Variants in WDR17 observed in about 807,000 individuals in gnomAD.
WDR17 encodes the protein WD repeat-containing protein 17.
A neutral mutation model predicts 161.7 loss-of-function variants in WDR17; 143 were observed. That is an observed-to-expected ratio of 0.88 (90% CI 0.77 to 1.02). The LOEUF is 1.02. Ranked by LOEUF, WDR17 falls within the 50% of genes least tolerant of loss-of-function variation. The pLI is 0.00. For synonymous variants in WDR17, 517 were observed against 515.6 expected, an observed-to-expected ratio of 1.00 and a Z score of -0.04; for missense variants, 1,469 against 1,520.9, an observed-to-expected ratio of 0.97 and a Z score of 0.57.
At chr4:176,090,021 T>C (rs1735915458) in intron 1 of WDR17, among the ~76,000 whole-genome samples, 1 of 152,156 alleles carries the variant, frequency 6.6e-6, no homozygotes, top group African/African-American at 2.4e-5. Context: ...TTTAATGTTA[T>C]CTTCCTCCAG....
intron 1 of WDR17, among the ~76,000 whole-genome samples, chr4:176,083,935 G>A (rs1188500763): frequency 6.6e-6 from 1 of 152,030 alleles, no homozygotes; most frequent in African/African-American, 2.4e-5. Context: ...TTGAGCAACT[G>A]TTCATATGCT....
intron 1 of WDR17, among the ~76,000 whole-genome samples, chr4:176,090,270 A>G (rs377261958): frequency 6.6e-6 from 1 of 151,494 alleles, no homozygotes; most frequent in African/African-American, 2.4e-5. Context: ...AAAAAAAAAA[A>G]AAAGCCTGGC....
At position 176,177,405 on chromosome 4, in the gene WDR17, C is replaced by G. The variant is rs148013083; in HGVS notation, c.3549-66C>G. 8.9e-4 allele frequency: 1,226 copies of G among 1,379,688 alleles called. 13 individuals carry two copies. In the Middle Eastern group the frequency reaches 0.019, roughly 22 times the overall value. The allele number at this position is 1,379,688 out of a possible 1,614,324, so 85.5% of individuals were successfully genotyped here. On this transcript the variant is annotated intron_variant, in intron 27 of 28. Coordinates refer to ENST00000508596, the MANE Select transcript of WDR17 (RefSeq NM_181265.4). ...ACTAAATAATCATCAGGGATAATTT[C>G]TAATCTAAACATCAAAAATTCTGTG...
rs539409797 is a variant in WDR17 at position 176,069,381 on chromosome 4, TAGAC to T, written c.-7+3305_-7+3308del. ...TAATTTAAAAAATGTACTGTAGAAATAGACAGTAATATAAATCTATAATTAAGAT... is the reference window on the plus strand; with the variant it reads ...TAATTTAAAAAATGTACTGTAGAAATAGTAATATAAATCTATAATTAAGAT... On this transcript the variant is annotated intron_variant, in intron 1 of 28. Transcript: ENST00000508596. Among the ~76,000 whole-genome samples the T allele has an allele frequency of 2.1e-3, 313 of 152,192 alleles. 2 individuals are homozygous for T. Among genetic ancestry groups the T allele is most frequent in the Middle Eastern group, 3.4e-3 (1 of 292 alleles).
In WDR17 at chr4:176,160,912, C is replaced by T; in HGVS notation, c.2660C>T (p.Ala887Val). ...ATTCAACATTTAATTAAATTCTAGG[C>T]TGCTTGTGAAGGAAATATGCAGCCC... Reference protein sequence around the residue: ...QLKEALLVAQAACEGNMQPLH... With the variant: ...QLKEALLVAQVACEGNMQPLH... Residue 887 changes from alanine (A) to valine (V), a missense_variant and splice_region_variant, in exon 20 of 29, where the codon GCT becomes GTT. Ala to Val is a moderately conservative substitution (Grantham distance 64, BLOSUM62 0). Coordinates refer to ENST00000508596, the MANE Select transcript of WDR17 (RefSeq NM_181265.4). 6.3e-7 allele frequency: 1 copy of T among 1,588,132 alleles called. No individual in the cohort carries two copies. Among genetic ancestry groups the T allele is most frequent in the Non-Finnish European group, 8.6e-7 (1 of 1,168,368 alleles).
chr4:176,114,737 G>A (rs1481176232), intron 2 of WDR17, among the ~76,000 whole-genome samples: 2 of 151,854 alleles, frequency 1.3e-5, no homozygotes, highest in African/African-American at 4.8e-5. Context: ...ATAGAGTCAT[G>A]GGATAGGTTC....
At chr4:176,094,419 A>G (rs1447830255) in intron 1 of WDR17, among the ~76,000 whole-genome samples, 1 of 152,210 alleles carries the variant, frequency 6.6e-6, no homozygotes, top group East Asian at 1.9e-4. Context: ...AGGAGCACAG[A>G]CAAGAGATTT....
intron 11 of WDR17, among the ~76,000 whole-genome samples, chr4:176,144,361 C>T (rs1579177813): frequency 1.3e-5 from 2 of 152,148 alleles, no homozygotes; most frequent in African/African-American, 2.4e-5. Flanking sequence ...AGATCGCCAA[C>T]TACGTTATCT....
chr4:176,182,002 A>G lies in WDR17; in HGVS notation c.*2423A>G, dbSNP rs764615446. On this transcript the variant is annotated 3_prime_UTR_variant, in exon 29 of 29. Coordinates refer to ENST00000508596, the MANE Select transcript of WDR17 (RefSeq NM_181265.4). The surrounding 1 kb of genome is among the most constrained non-coding windows in gnomAD (Gnocchi z 4.2). The stretch of plus-strand genomic sequence containing the variant: ...TTCATAGAATTATAAATGTCATTTG[A>G]CTATGTCAATCTGTATATATTGTAC... 4 of 152,092 alleles carry G rather than the reference A, an allele frequency of 2.6e-5. No individual in the cohort carries two copies. Among genetic ancestry groups the G allele is most frequent in the Non-Finnish European group, 4.4e-5 (3 of 67,942 alleles). The allele number at this position is 152,092 out of a possible 1,614,324, so 9.4% of individuals were successfully genotyped here.
At position 176,177,470 on chromosome 4, in the gene WDR17, GATC is replaced by G. The variant is rs1267481282; in HGVS notation, c.3551_3553del (p.Ser1184del). On this transcript the variant is annotated inframe_deletion and splice_region_variant, in exon 28 of 29. Coordinates refer to ENST00000508596, the MANE Select transcript of WDR17 (RefSeq NM_181265.4). The stretch of plus-strand genomic sequence containing the variant: ...AATTTTGATATCTGTTGAAAATATA[GATC>G]ATTAGAAGACTCTCCGTATACACCC... The G allele has an allele frequency of 1.3e-6, 2 of 1,534,626 alleles. No individual in the cohort carries two copies. The highest frequency in any genetic ancestry group is 1.4e-5 in the African/African-American group (1 of 71,466).
chr4:176,180,077 C>T lies in WDR17; in HGVS notation c.*498C>T, dbSNP rs1324586404. On this transcript the variant is annotated 3_prime_UTR_variant, in exon 29 of 29. Transcript: ENST00000508596. The stretch of plus-strand genomic sequence containing the variant: ...CTCCTTTATAAAATGCATAGTAAAC[C>T]ACTAACGTTAGCTGTTTTAATAAAA... The T allele has an allele frequency of 6.6e-6, 1 of 151,758 alleles. No homozygotes were observed. The highest frequency in any genetic ancestry group is 1.5e-5 in the Non-Finnish European group (1 of 67,936). The allele number at this position is 151,758 out of a possible 1,614,324, so 9.4% of individuals were successfully genotyped here. A position where few individuals can be genotyped will look rare whatever the true frequency, so the allele number is the denominator to read the frequency against.
At chr4:176,155,545 G>GTTTTTTTTTTGTT (rs1747940095) in intron 17 of WDR17, among the ~76,000 whole-genome samples, 2 of 105,248 alleles carry the variant, frequency 1.9e-5, no homozygotes, top group Non-Finnish European at 3.8e-5. Context: ...ATTTGTTTGT[G>GTTTTTTTTTTGTT]TTTTTTTTTT....
intron 1 of WDR17, among the ~76,000 whole-genome samples, chr4:176,099,025 A>G (rs1455930390): frequency 1.3e-5 from 2 of 152,106 alleles, no homozygotes; most frequent in Non-Finnish European, 2.9e-5. Context: ...ATAAATCAAG[A>G]TATACTCTGA....
At chr4:176,100,761 A>T (rs527814551) in intron 1 of WDR17, among the ~76,000 whole-genome samples, 2 of 151,962 alleles carry the variant, frequency 1.3e-5, no homozygotes, top group South Asian at 4.2e-4. Context: ...GTTTTTTTTA[A>T]TATGGTGATA....
intron 1 of WDR17, among the ~76,000 whole-genome samples, chr4:176,089,829 G>A (rs1221402288): frequency 1.3e-5 from 2 of 151,944 alleles, no homozygotes; most frequent in Non-Finnish European, 2.9e-5. Context: ...TTTTTCCCTG[G>A]TTCCTAGGGT....
intron 1 of WDR17, among the ~76,000 whole-genome samples, chr4:176,077,076 C>T (rs1468197325): frequency 2.0e-5 from 3 of 151,680 alleles, no homozygotes; most frequent in African/African-American, 7.3e-5. Flanking sequence ...ATACTTTTTG[C>T]TTCCACCTAT....
At chr4:176,086,638 T>C (rs1204878307) in intron 1 of WDR17, among the ~76,000 whole-genome samples, 1 of 151,900 alleles carries the variant, frequency 6.6e-6, no homozygotes, top group Admixed American at 6.6e-5. Context: ...ATTTGTATAG[T>C]TTATCATTTT....
At chr4:176,131,393 A>G (rs1009775918) in intron 6 of WDR17, among the ~76,000 whole-genome samples, 161 bp from the exon 7 acceptor site, 10 of 151,916 alleles carry the variant, frequency 6.6e-5, no homozygotes, top group African/African-American at 2.2e-4. Flanking sequence ...CTTATATTAC[A>G]TTTTTTGGCA....
chr4:176,146,160 G>A lies in WDR17; in HGVS notation c.1694+1G>A. On this transcript the variant is annotated splice_donor_variant, in intron 12 of 28. Transcript: ENST00000508596. LOFTEE classifies it high-confidence loss of function. ...TTCTTTGCAGTGGTTCTGATGATGG[G>A]TATGTATTTTTGGATTCTAATTTTC... The A allele has an allele frequency of 6.2e-7, 1 of 1,609,540 alleles. No homozygotes were observed. Among genetic ancestry groups the A allele is most frequent in the Non-Finnish European group, 8.5e-7 (1 of 1,178,352 alleles).
Sources: allele counts gnomAD v4.1 joint callset (sites outside exome capture counted in the v4.1 genomes callset), GRCh38; gene constraint gnomAD v4.1.1; non-coding constraint Gnocchi (gnomAD v3.1); transcripts MANE v1.5; gene names NCBI Gene and HGNC (gene_info 2026-07-23, HGNC 2026-07-21).